The following CACNG5 variants were observed in gnomAD, a reference collection of about 807,000 sequenced individuals.
CACNG5 encodes voltage-dependent calcium channel gamma-5 subunit.
A neutral mutation model predicts 24.8 loss-of-function variants in CACNG5; 18 were observed. The observed-to-expected ratio is 0.73, with a 90% CI of 0.50 to 1.08. The LOEUF is 1.08. Among genes scored for constraint, CACNG5 ranks in the 50% least tolerant of loss-of-function variants. CACNG5 has a pLI of 0.00. For synonymous variants in CACNG5, 157 were observed against 149.1 expected, an observed-to-expected ratio of 1.05 and a Z score of -0.39; for missense variants, 349 against 367.9, an observed-to-expected ratio of 0.95 and a Z score of 0.42.
Position 66,886,538 on chromosome 17 carries a change from C to G in CACNG5, c.*1298C>G, listed in dbSNP as rs193140932. On this transcript the variant is annotated 3_prime_UTR_variant, in exon 6 of 6. Coordinates refer to ENST00000533854, the MANE Select transcript of CACNG5 (RefSeq NM_145811.3). ...TTCAGCTCTCCAAGTGTCAGCTTAGCTTAGATGTTTTTGGTTTTGAGATTT... is the reference window on the plus strand; with the variant it reads ...TTCAGCTCTCCAAGTGTCAGCTTAGGTTAGATGTTTTTGGTTTTGAGATTT... Among the ~76,000 whole-genome samples, 1 of 152,208 alleles carries G rather than the reference C, an allele frequency of 6.6e-6. No homozygotes were observed. The highest frequency in any genetic ancestry group is 1.5e-5 in the Non-Finnish European group (1 of 68,020).
At chr17:66,869,432 T>C (rs1375166703) in intron 1 of CACNG5, among the ~76,000 whole-genome samples, 1 of 152,176 alleles carries the variant, frequency 6.6e-6, no homozygotes, top group East Asian at 1.9e-4. Flanking sequence ...TGGCATGAGG[T>C]AGCCCAGACT....
At chr17:66,855,631 C>T (rs1338669386) in intron 1 of CACNG5, among the ~76,000 whole-genome samples, 1 of 152,152 alleles carries the variant, frequency 6.6e-6, no homozygotes, top group East Asian at 1.9e-4. Context: ...TCAAGTGATT[C>T]TCCTGCCTCA....
chr17:66,838,051 G>A (rs984421239), intron 1 of CACNG5, among the ~76,000 whole-genome samples: 6 of 151,938 alleles, frequency 3.9e-5, no homozygotes, highest in Admixed American at 6.6e-5. Context: ...TGCTCTACCC[G>A]CTGCTCAGAA....
At position 66,877,461 on chromosome 17, in the gene CACNG5, C is replaced by T; in HGVS notation, c.129C>T (p.Pro43=). The T allele has an allele frequency of 1.9e-6, 3 of 1,613,994 alleles. No individual in the cohort carries two copies. In the South Asian group the frequency reaches 3.3e-5, roughly 18 times the overall value. Residue 43 remains proline, a synonymous_variant, in exon 2 of 6, where the codon CCC becomes CCT. Transcript: ENST00000533854. The stretch of plus-strand genomic sequence containing the variant: ...ACCTGGAGGAGGGTGTGATTGTGCC[C>T]CAGAACCAGAGCACCGAGATCAAGA... The part of the protein sequence containing the change: ...WLYLEEGVIV[P]QNQSTEIKMS...
intron 1 of CACNG5, among the ~76,000 whole-genome samples, chr17:66,860,142 A>T (rs1976833740): frequency 6.6e-6 from 1 of 152,132 alleles, no homozygotes; most frequent in Admixed American, 6.6e-5. Flanking sequence ...ATGCAACCCC[A>T]CGAGAACCAG....
At chr17:66,852,877 CTCTCTCTTTT>C (rs1163303972) in intron 1 of CACNG5, among the ~76,000 whole-genome samples, 1 of 139,910 alleles carries the variant, frequency 7.1e-6, no homozygotes, top group African/African-American at 2.6e-5. Context: ...CTCTCTCTTT[CTCTCTCTTTT>C]TCTCTTTCTC....
chr17:66,873,299 A>G (rs1977035371), intron 1 of CACNG5, among the ~76,000 whole-genome samples: 1 of 152,086 alleles, frequency 6.6e-6, no homozygotes, highest in Admixed American at 6.6e-5. Flanking sequence ...GCTATTTTCC[A>G]CCCCAGGTAG....
chr17:66,857,736 G>C (rs983927922), intron 1 of CACNG5, among the ~76,000 whole-genome samples: 3 of 152,158 alleles, frequency 2.0e-5, no homozygotes, highest in African/African-American at 7.2e-5. Flanking sequence ...ATGAGTGCAT[G>C]GTCTGCATAT....
In CACNG5 at chr17:66,891,079, G is replaced by A. The variant is rs973976304; in HGVS notation, c.*5839G>A. Among the ~76,000 whole-genome samples the A allele has an allele frequency of 1.3e-5, 2 of 152,192 alleles. No homozygotes were observed. The highest frequency in any genetic ancestry group is 2.9e-5 in the Non-Finnish European group (2 of 68,032). On this transcript the variant is annotated 3_prime_UTR_variant, in exon 6 of 6. Coordinates refer to ENST00000533854, the MANE Select transcript of CACNG5 (RefSeq NM_145811.3). ...ACGAGTGGGTAGCAAGATGGCAACA[G>A]TGATTCCAAACATCCTATCAAGATG...
Position 66,889,191 on chromosome 17 carries a change from C to T in CACNG5, c.*3951C>T, listed in dbSNP as rs2143143341. On this transcript the variant is annotated 3_prime_UTR_variant, in exon 6 of 6. Coordinates refer to ENST00000533854, the MANE Select transcript of CACNG5 (RefSeq NM_145811.3). ...GGCCACGTTGGTCTTGAACTCCTGA[C>T]CTCAAGTGATCCACCTGCCTTGGCC... Among the ~76,000 whole-genome samples, 1 of 152,306 alleles carries T rather than the reference C, an allele frequency of 6.6e-6. No homozygotes were observed. Among genetic ancestry groups the T allele is most frequent in the Admixed American group, 6.5e-5 (1 of 15,304 alleles).
At chr17:66,867,840 G>T (rs981024419) in intron 1 of CACNG5, among the ~76,000 whole-genome samples, 2 of 152,104 alleles carry the variant, frequency 1.3e-5, no homozygotes, top group African/African-American at 4.8e-5. Flanking sequence ...GTGTCTGTTT[G>T]CATACCAGTG....
chr17:66,880,174 A>G (rs555706316), intron 3 of CACNG5, among the ~76,000 whole-genome samples: 33 of 152,302 alleles, frequency 2.2e-4, no homozygotes, highest in African/African-American at 7.5e-4. Context: ...GCCCAAGGAA[A>G]TGGTGAATCT....
chr17:66,843,809 G>C (rs1976599127), intron 1 of CACNG5, among the ~76,000 whole-genome samples: 1 of 152,128 alleles, frequency 6.6e-6, no homozygotes, highest in Admixed American at 6.5e-5. Context: ...GTCCTGGGTG[G>C]GGGGAGGCAG....
chr17:66,838,087 C>T (rs1411452826), intron 1 of CACNG5, among the ~76,000 whole-genome samples: 1 of 151,794 alleles, frequency 6.6e-6, no homozygotes, highest in East Asian at 2.0e-4. Context: ...TTGGTGTGTT[C>T]TATGGGTGGT....
intron 1 of CACNG5, among the ~76,000 whole-genome samples, chr17:66,852,461 T>C (rs1976719337): frequency 6.6e-6 from 1 of 152,138 alleles, no homozygotes; most frequent in South Asian, 2.1e-4. Context: ...AGAATTAAAA[T>C]ATACCCACAA....
chr17:66,892,465 G>A lies in CACNG5; in HGVS notation c.*7225G>A, dbSNP rs1381563564. On this transcript the variant is annotated 3_prime_UTR_variant, in exon 6 of 6. Transcript: ENST00000533854. ...TCCTTAGAAATGATCTCATAGTCTCGGGCTCTGACTATCAAGTTCAGGTCA... is the reference window on the plus strand; with the variant it reads ...TCCTTAGAAATGATCTCATAGTCTCAGGCTCTGACTATCAAGTTCAGGTCA... Among the ~76,000 whole-genome samples the A allele has an allele frequency of 2.0e-4, 31 of 152,194 alleles. No homozygotes were observed. The highest frequency in any genetic ancestry group is 1.7e-3 in the Admixed American group (26 of 15,278).
chr17:66,839,609 G>C (rs1045531630), intron 1 of CACNG5, among the ~76,000 whole-genome samples: 2 of 151,284 alleles, frequency 1.3e-5, no homozygotes, highest in Non-Finnish European at 2.9e-5. Flanking sequence ...GAGAGCGAGA[G>C]GGGGAGGTCT....
chr17:66,848,345 G>A (rs1433757665), intron 1 of CACNG5, among the ~76,000 whole-genome samples: 3 of 152,196 alleles, frequency 2.0e-5, no homozygotes, highest in Non-Finnish European at 4.4e-5. Flanking sequence ...GGGCTCCATA[G>A]GTGACTGAAG....
intron 1 of CACNG5, among the ~76,000 whole-genome samples, chr17:66,844,545 A>G (rs1976610566): frequency 1.3e-5 from 2 of 152,346 alleles, no homozygotes; most frequent in South Asian, 4.1e-4. Flanking sequence ...CTGCAGACAC[A>G]GAGTTCATCA....
Sources: allele counts gnomAD v4.1 joint callset (sites outside exome capture counted in the v4.1 genomes callset), GRCh38; gene constraint gnomAD v4.1.1; transcripts MANE v1.5; gene names NCBI Gene and HGNC (gene_info 2026-07-23, HGNC 2026-07-21).